The following UNC80 variants were observed in gnomAD, a reference collection of about 807,000 sequenced individuals.
The protein encoded by UNC80 is protein unc-80 homolog.
In UNC80, 164 loss-of-function variants were observed where a neutral mutation model predicts 384.6. That is an observed-to-expected ratio of 0.43 (90% CI 0.38 to 0.49). The LOEUF is 0.49. Ranked by LOEUF, UNC80 falls within the 20% of genes least tolerant of loss-of-function variation. The pLI is 0.00. For synonymous variants in UNC80, 1,486 were observed against 1,527.8 expected (o/e 0.97, Z 0.64); for missense variants, 3,330 against 4,143.0 (o/e 0.80, Z 5.39).
At chr2:209,971,350 CTT>C (rs2092879021) in intron 54 of UNC80, among the ~76,000 whole-genome samples, 1 of 150,622 alleles carries the variant, frequency 6.6e-6, no homozygotes, top group South Asian at 2.1e-4. Context: ...TATCACTAGA[CTT>C]TGAATATCTT....
Position 209,995,328 on chromosome 2 carries a change from G to C in UNC80, c.9709-1G>C. 8 of 1,552,090 alleles carry C rather than the reference G, an allele frequency of 5.2e-6. No individual in the cohort carries two copies. Among genetic ancestry groups the C allele is most frequent in the Non-Finnish European group, 4.4e-6 (5 of 1,147,066 alleles). ...TAATGTTATGATCCTTTTGATCACA[G>C]AGTGAGAACTTCCCCACTGAAGAAG... On this transcript the variant is annotated splice_acceptor_variant, in intron 64 of 64. Transcript: ENST00000673920. LOFTEE classifies it high-confidence loss of function.
intron 29 of UNC80, among the ~76,000 whole-genome samples, chr2:209,905,619 T>G (rs2088093699): frequency 6.6e-6 from 1 of 152,234 alleles, no homozygotes; most frequent in Admixed American, 6.5e-5. Context: ...TTGTGTCATT[T>G]TAAGCTATGA....
chr2:209,836,340 G>T (rs972364768), intron 18 of UNC80, among the ~76,000 whole-genome samples: 1 of 141,230 alleles, frequency 7.1e-6, no homozygotes, highest in African/African-American at 2.5e-5. Context: ...GCCCAAAAAA[G>T]AAGAGATTTT....
At chr2:209,816,800 C>A (rs2079773363) in intron 9 of UNC80, 109 bp from the exon 10 acceptor site, 3 of 1,006,940 alleles carry the variant, frequency 3.0e-6, no homozygotes, top group Non-Finnish European at 4.4e-6. Flanking sequence ...TGGGTCTTCT[C>A]TTCCTGGCAC....
At chr2:209,808,963 G>T in intron 7 of UNC80, 2 of 309,458 alleles carry the variant, frequency 6.5e-6, no homozygotes, top group Non-Finnish European at 1.2e-5. Flanking sequence ...CATCTGGGAC[G>T]CCTTCCTGGC....
intron 16 of UNC80, among the ~76,000 whole-genome samples, chr2:209,833,735 C>T (rs916616893): frequency 5.9e-5 from 9 of 152,162 alleles, no homozygotes; most frequent in Admixed American, 1.3e-4. Context: ...TAATGTCTTT[C>T]TAATGATGCA....
chr2:209,924,570 C>T (rs973603459), intron 35 of UNC80, among the ~76,000 whole-genome samples: 50 of 152,044 alleles, frequency 3.3e-4, no homozygotes, highest in African/African-American at 1.1e-3. Context: ...TGAGAGATGA[C>T]GAATTTCTCA....
At chr2:209,868,942 A>T (rs2084065949) in intron 22 of UNC80, among the ~76,000 whole-genome samples, 1 of 152,196 alleles carries the variant, frequency 6.6e-6, no homozygotes, top group South Asian at 2.1e-4. Flanking sequence ...ATGGAGCATA[A>T]AAAGGGATCT....
intron 39 of UNC80, among the ~76,000 whole-genome samples, chr2:209,934,435 G>T (rs2091103448): frequency 6.6e-6 from 1 of 152,178 alleles, no homozygotes; most frequent in Admixed American, 6.5e-5. Flanking sequence ...GGAAGAAGGA[G>T]CATTACAAAA....
chr2:209,813,460 G>A (rs1016921198), intron 7 of UNC80, 120 bp from the exon 8 acceptor site: 11 of 1,091,044 alleles, frequency 1.0e-5, no homozygotes, highest in African/African-American at 6.4e-5. Flanking sequence ...AGTAAACTAC[G>A]TAAGAAACAA....
chr2:209,842,981 C>T (rs780020421), intron 21 of UNC80, among the ~76,000 whole-genome samples: 2 of 152,224 alleles, frequency 1.3e-5, no homozygotes, highest in Non-Finnish European at 2.9e-5. Flanking sequence ...GATGCACACA[C>T]ATACACATCA....
intron 61 of UNC80, among the ~76,000 whole-genome samples, chr2:209,987,971 A>G (rs189690234): frequency 1.2e-4 from 19 of 152,332 alleles, no homozygotes; most frequent in South Asian, 2.1e-4. Flanking sequence ...TGCTAAATCA[A>G]TTCTCACAGG....
intron 51 of UNC80, among the ~76,000 whole-genome samples, chr2:209,965,680 C>G (rs2092722647): frequency 6.6e-6 from 1 of 152,034 alleles, no homozygotes; most frequent in South Asian, 2.1e-4. Flanking sequence ...CTCGGCCTCC[C>G]AAAGTGCTGG....
At chr2:209,920,511 T>A (rs1314681528) in intron 33 of UNC80, among the ~76,000 whole-genome samples, 1 of 152,220 alleles carries the variant, frequency 6.6e-6, no homozygotes, top group Non-Finnish European at 1.5e-5. Context: ...GTACAGTGAA[T>A]CTTCTTTTCT....
chr2:209,800,515 A>T (rs2370831), intron 7 of UNC80, among the ~76,000 whole-genome samples: 73,266 of 147,484 alleles, frequency 0.5, 20,221 homozygotes, highest in East Asian at 0.62. Flanking sequence ...CAGCTCCTGG[A>T]TTTGTTGATT....
At chr2:209,809,442 C>G in intron 7 of UNC80, 2 of 1,474,678 alleles carry the variant, frequency 1.4e-6, no homozygotes, top group South Asian at 1.1e-5. Flanking sequence ...CCTTCGCCGA[C>G]CGCTCCAACC....
chr2:209,862,971 C>G (rs2083450935), intron 22 of UNC80, among the ~76,000 whole-genome samples: 1 of 152,076 alleles, frequency 6.6e-6, no homozygotes, highest in Non-Finnish European at 1.5e-5. Context: ...GTGGCTGGTA[C>G]CAGCTTTTCC....
intron 7 of UNC80, among the ~76,000 whole-genome samples, chr2:209,800,570 G>A (rs2078480722): frequency 6.7e-6 from 1 of 150,136 alleles, no homozygotes; most frequent in South Asian, 2.1e-4. Context: ...GTTCTTCCCT[G>A]ATCTTAGTTA....
intron 2 of UNC80, among the ~76,000 whole-genome samples, chr2:209,773,756 A>G (rs945951964): frequency 3.9e-5 from 6 of 152,356 alleles, no homozygotes; most frequent in African/African-American, 1.2e-4. Flanking sequence ...AGTGCCTGTG[A>G]AAGAACTACT....
Sources: allele counts gnomAD v4.1 joint callset (sites outside exome capture counted in the v4.1 genomes callset), GRCh38; gene constraint gnomAD v4.1.1; transcripts MANE v1.5; gene names NCBI Gene and HGNC (gene_info 2026-07-23, HGNC 2026-07-21).